Variants in TCF7L1 observed in about 807,000 individuals in gnomAD.
TCF7L1 encodes transcription factor 7-like 1.
TCF7L1 carries 18 observed loss-of-function variants against 63.7 expected under a neutral mutation model. That is an observed-to-expected ratio of 0.28 (90% CI 0.20 to 0.42). TCF7L1 has a LOEUF of 0.42. Among genes scored for constraint, TCF7L1 ranks in the 10% least tolerant of loss-of-function variants. TCF7L1 has a pLI of 1.00. For missense variants in TCF7L1, 654 were observed against 779.3 expected (o/e 0.84, Z 1.91); for synonymous variants, 355 against 340.9 (o/e 1.04, Z -0.46).
intron 3 of TCF7L1, among the ~76,000 whole-genome samples, chr2:85,179,439 T>C (rs1203897111): frequency 6.6e-6 from 1 of 152,214 alleles, no homozygotes; most frequent in Non-Finnish European, 1.5e-5. Flanking sequence ...TCTCAGGTGA[T>C]GCAGATGCTG....
intron 3 of TCF7L1, among the ~76,000 whole-genome samples, chr2:85,149,339 A>ATATGTATATACACATATACACATATG (rs1677955067): frequency 2.7e-5 from 4 of 149,548 alleles, no homozygotes; most frequent in Admixed American, 6.7e-5. Flanking sequence ...ATGTGTGTAT[A>ATATGTATATACACATATACACATATG]TGTGTATACA....
chr2:85,168,427 A>T (rs1678470813), intron 3 of TCF7L1, among the ~76,000 whole-genome samples: 1 of 152,054 alleles, frequency 6.6e-6, no homozygotes, highest in East Asian at 1.9e-4. Context: ...ATGGAGAAGG[A>T]GGGGTAGGGG....
intron 3 of TCF7L1, among the ~76,000 whole-genome samples, chr2:85,193,527 AAAAT>A (rs1439676000): frequency 1.3e-5 from 2 of 152,202 alleles, no homozygotes; most frequent in African/African-American, 4.8e-5. Context: ...TCTATATTTA[AAAAT>A]AAATAAGTAA....
intron 3 of TCF7L1, among the ~76,000 whole-genome samples, chr2:85,258,242 A>C (rs775479897): frequency 6.6e-6 from 1 of 152,118 alleles, no homozygotes; most frequent in Non-Finnish European, 1.5e-5. Flanking sequence ...GGGGGCCTGC[A>C]TTGGACCCTA....
At chr2:85,267,803 G>C (rs913006472) in intron 3 of TCF7L1, among the ~76,000 whole-genome samples, 1 of 152,098 alleles carries the variant, frequency 6.6e-6, no homozygotes, top group African/African-American at 2.4e-5. Context: ...ATAACACATG[G>C]AGTATCTGGC....
intron 4 of TCF7L1, among the ~76,000 whole-genome samples, chr2:85,290,229 C>T (rs1445616528): frequency 6.6e-6 from 1 of 152,178 alleles, no homozygotes; most frequent in Middle Eastern, 3.2e-3. Context: ...GATCTGCCCG[C>T]CTTGGCCTCC....
intron 3 of TCF7L1, among the ~76,000 whole-genome samples, chr2:85,255,489 T>G (rs549539140): frequency 1.2e-4 from 18 of 152,328 alleles, no homozygotes; most frequent in Non-Finnish European, 2.4e-4. Flanking sequence ...GGGGCCCTTC[T>G]TGCTGAGAGA....
chr2:85,261,041 T>C (rs935943336), intron 3 of TCF7L1, among the ~76,000 whole-genome samples: 1 of 152,186 alleles, frequency 6.6e-6, no homozygotes, highest in Non-Finnish European at 1.5e-5. Context: ...CATTAGTATC[T>C]TTGTGGTTTG....
intron 3 of TCF7L1, among the ~76,000 whole-genome samples, chr2:85,223,539 A>T (rs1038064659): frequency 6.6e-6 from 1 of 152,054 alleles, no homozygotes; most frequent in Non-Finnish European, 1.5e-5. Flanking sequence ...CTGGAGGTGG[A>T]TGTATGGGGT....
chr2:85,293,270 A>G (rs1236318023), intron 4 of TCF7L1, among the ~76,000 whole-genome samples: 2 of 152,168 alleles, frequency 1.3e-5, no homozygotes, highest in African/African-American at 2.4e-5. Context: ...GAATCACGGG[A>G]GTGGTCCTTC....
intron 3 of TCF7L1, among the ~76,000 whole-genome samples, chr2:85,213,993 G>A (rs1487540837): frequency 7.9e-5 from 12 of 152,214 alleles, no homozygotes; most frequent in Admixed American, 7.8e-4. Flanking sequence ...TGCTCCTGCT[G>A]CCATTCTCAC....
At chr2:85,178,200 A>C (rs948534599) in intron 3 of TCF7L1, among the ~76,000 whole-genome samples, 3 of 152,234 alleles carry the variant, frequency 2.0e-5, no homozygotes, top group Non-Finnish European at 4.4e-5. Context: ...AACCATTTGA[A>C]TTATTTAGAA....
intron 3 of TCF7L1, among the ~76,000 whole-genome samples, chr2:85,195,931 C>T (rs115748171): frequency 0.013 from 1,925 of 152,284 alleles, 15 homozygotes; most frequent in Non-Finnish European, 0.021. Context: ...CAGTAGGTAT[C>T]AGCTGACTGA....
intron 3 of TCF7L1, among the ~76,000 whole-genome samples, chr2:85,154,485 C>T (rs1243106852): frequency 6.6e-6 from 1 of 152,090 alleles, no homozygotes; most frequent in African/African-American, 2.4e-5. Flanking sequence ...ATGCAGGATT[C>T]CTTGGGTTTG....
chr2:85,169,362 C>CTTTT (rs1189458249), intron 3 of TCF7L1, among the ~76,000 whole-genome samples: 2 of 142,598 alleles, frequency 1.4e-5, no homozygotes, highest in Non-Finnish European at 3.1e-5. Context: ...TTCTTTCTTT[C>CTTTT]TTTTTTTTTT....
chr2:85,264,728 G>A (rs949077363), intron 3 of TCF7L1, among the ~76,000 whole-genome samples: 1 of 152,106 alleles, frequency 6.6e-6, no homozygotes, highest in Non-Finnish European at 1.5e-5. Context: ...AGCCTAGCCT[G>A]GATGCTTGAA....
chr2:85,264,905 T>C (rs184269958), intron 3 of TCF7L1, among the ~76,000 whole-genome samples: 1 of 152,322 alleles, frequency 6.6e-6, no homozygotes, highest in East Asian at 1.9e-4. Context: ...AGGAAACTTG[T>C]GTGGGCATTT....
intron 3 of TCF7L1, among the ~76,000 whole-genome samples, chr2:85,238,304 C>T (rs2104320538): frequency 6.6e-6 from 1 of 152,232 alleles, no homozygotes; most frequent in African/African-American, 2.4e-5. Context: ...CAGCGGGAGG[C>T]GGGCTTAGGA....
intron 3 of TCF7L1, chr2:85,262,088 C>T (rs1427623504): frequency 5.6e-6 from 3 of 539,886 alleles, no homozygotes; most frequent in African/African-American, 3.8e-5. Context: ...TAGCATGATC[C>T]GACCCAGTTG....
Sources: allele counts gnomAD v4.1 joint callset (sites outside exome capture counted in the v4.1 genomes callset), GRCh38; gene constraint gnomAD v4.1.1; transcripts MANE v1.5; gene names NCBI Gene and HGNC (gene_info 2026-07-23, HGNC 2026-07-21).